SGMS1: variants seen among roughly 807,000 people sequenced by gnomAD.
SGMS1 encodes phosphatidylcholine:ceramide cholinephosphotransferase 1.
A neutral mutation model predicts 46.2 loss-of-function variants in SGMS1; 13 were observed. That is an observed-to-expected ratio of 0.28 (90% CI 0.18 to 0.45). SGMS1 has a LOEUF of 0.45. Ranked by LOEUF, SGMS1 falls within the 20% of genes least tolerant of loss-of-function variation. SGMS1 has a pLI of 1.00. For missense variants in SGMS1, 324 were observed against 519.9 expected (o/e 0.62, Z 3.66); for synonymous variants, 203 against 187.8 (o/e 1.08, Z -0.66).
At chr10:50,549,797 T>C (rs1249159547) in intron 2 of SGMS1, among the ~76,000 whole-genome samples, 1 of 152,204 alleles carries the variant, frequency 6.6e-6, no homozygotes, top group African/African-American at 2.4e-5. Context: ...ACATGTGTTC[T>C]CCCAGGTTTA....
At chr10:50,540,001 G>T (rs1028275831) in intron 2 of SGMS1, among the ~76,000 whole-genome samples, 1 of 152,280 alleles carries the variant, frequency 6.6e-6, no homozygotes, top group East Asian at 1.9e-4. Context: ...CATACTGAAT[G>T]TAATTATACA....
chr10:50,385,261 C>T (rs1848666117), intron 6 of SGMS1, among the ~76,000 whole-genome samples: 1 of 152,156 alleles, frequency 6.6e-6, no homozygotes, highest in South Asian at 2.1e-4. Context: ...TTAGTAACCT[C>T]AGAGAGTTGT....
At chr10:50,350,130 CTTG>C in intron 6 of SGMS1, among the ~76,000 whole-genome samples, 1 of 152,268 alleles carries the variant, frequency 6.6e-6, no homozygotes, top group Admixed American at 6.5e-5. Context: ...AGATGAGGAA[CTTG>C]TTGGGAACTG....
At chr10:50,458,767 G>A (rs1157733673) in intron 5 of SGMS1, among the ~76,000 whole-genome samples, 3 of 151,780 alleles carry the variant, frequency 2.0e-5, no homozygotes, top group Non-Finnish European at 4.4e-5. Context: ...GGATTTTTAC[G>A]GTGATTTAAA....
chr10:50,535,988 T>C (rs1022181765), intron 2 of SGMS1, among the ~76,000 whole-genome samples: 11 of 152,190 alleles, frequency 7.2e-5, no homozygotes, highest in Non-Finnish European at 1.3e-4. Context: ...TATCCCTTCT[T>C]GCTTCACATC....
intron 6 of SGMS1, among the ~76,000 whole-genome samples, chr10:50,382,217 G>C (rs367658206): frequency 2.0e-5 from 3 of 151,988 alleles, no homozygotes; most frequent in Admixed American, 6.6e-5. Flanking sequence ...TAATCTAAGG[G>C]GGAAAAGAAG....
chr10:50,522,454 C>A (rs1237673834), intron 2 of SGMS1, among the ~76,000 whole-genome samples: 5 of 151,990 alleles, frequency 3.3e-5, no homozygotes, highest in African/African-American at 4.8e-5. Context: ...CTGGTATTAC[C>A]CACTTTTATA....
intron 6 of SGMS1, among the ~76,000 whole-genome samples, chr10:50,386,045 A>C (rs1848676591): frequency 6.6e-6 from 1 of 152,138 alleles, no homozygotes; most frequent in African/African-American, 2.4e-5. Context: ...AGTTTAGATT[A>C]TCAGATGGCA....
chr10:50,331,274 A>G (rs1195477214), intron 7 of SGMS1, among the ~76,000 whole-genome samples: 1 of 152,222 alleles, frequency 6.6e-6, no homozygotes, highest in African/African-American at 2.4e-5. Flanking sequence ...CAATGCATGG[A>G]TATGATCCTT....
chr10:50,306,958 T>C lies in SGMS1; in HGVS notation c.*184A>G. On this transcript the variant is annotated 3_prime_UTR_variant, in exon 11 of 11. Transcript: ENST00000361781. ...TGATAGGTTAAATTTTTCTTTATTG[T>C]TGTCCAACGCAGGTCCTTTGGAGAG... 1.7e-6 allele frequency: 1 copy of C among 589,832 alleles called. No homozygotes were observed. The highest frequency in any genetic ancestry group is 2.9e-6 in the Non-Finnish European group (1 of 344,550). 36.5% of individuals were successfully genotyped at this position (589,832 alleles called of 1,614,324 possible).
At chr10:50,551,876 C>A (rs1450668732) in intron 2 of SGMS1, among the ~76,000 whole-genome samples, 1 of 152,126 alleles carries the variant, frequency 6.6e-6, no homozygotes, top group Non-Finnish European at 1.5e-5. Flanking sequence ...ACACACAAAT[C>A]TGAAGATACC....
intron 3 of SGMS1, among the ~76,000 whole-genome samples, chr10:50,486,956 A>G (rs1837526115): frequency 6.6e-6 from 1 of 152,254 alleles, no homozygotes. Flanking sequence ...GTACACATAT[A>G]CTATGTAATA....
At chr10:50,623,563 G>A (rs1838878503) in intron 1 of SGMS1, 144 bp downstream of exon 1, 2 of 984,250 alleles carry the variant, frequency 2.0e-6, no homozygotes, top group African/African-American at 1.7e-5. Flanking sequence ...TACGCGCGCG[G>A]CACCGCGCGG....
In SGMS1 at chr10:50,538,197, C is replaced by A. The variant is rs950313816; in HGVS notation, c.-588-18276G>T. On this transcript the variant is annotated intron_variant, in intron 2 of 10. Transcript: ENST00000361781. ...TCAGGGGTGGGTGGGTGGGCTCACA[C>A]CTGTAATCCCAGCACTTTGGGAGGC... 1.1e-4 allele frequency among the ~76,000 whole-genome samples: 16 copies of A among 151,786 alleles called. 1 individual carries two copies. The highest frequency in any genetic ancestry group is 7.2e-4 in the Admixed American group (11 of 15,242).
intron 2 of SGMS1, among the ~76,000 whole-genome samples, chr10:50,589,920 G>A (rs1487551898): frequency 6.6e-6 from 1 of 152,186 alleles, no homozygotes; most frequent in Non-Finnish European, 1.5e-5. Flanking sequence ...ATCCTTATTT[G>A]TAAGAGCTGC....
At chr10:50,611,319 C>T (rs905824086) in intron 1 of SGMS1, among the ~76,000 whole-genome samples, 10 of 152,244 alleles carry the variant, frequency 6.6e-5, no homozygotes, top group East Asian at 1.9e-4. Context: ...TGTGGACACA[C>T]GCCAAGGGTC....
intron 3 of SGMS1, among the ~76,000 whole-genome samples, chr10:50,510,303 A>T (rs143680223): frequency 1.8e-4 from 27 of 152,296 alleles, no homozygotes; most frequent in African/African-American, 5.8e-4. Flanking sequence ...GGACAATTAC[A>T]TTTTTTCCAG....
intron 5 of SGMS1, among the ~76,000 whole-genome samples, chr10:50,446,943 C>A (rs1837025924): frequency 6.6e-6 from 1 of 152,164 alleles, no homozygotes; most frequent in African/African-American, 2.4e-5. Context: ...TCTTGGGGAA[C>A]AACTTCTAAA....
intron 5 of SGMS1, among the ~76,000 whole-genome samples, chr10:50,445,340 C>T (rs1836997605): frequency 1.3e-5 from 2 of 152,016 alleles, no homozygotes; most frequent in African/African-American, 2.4e-5. Flanking sequence ...ATACACTTAC[C>T]CAATAATATA....
Sources: allele counts gnomAD v4.1 joint callset (sites outside exome capture counted in the v4.1 genomes callset), GRCh38; gene constraint gnomAD v4.1.1; transcripts MANE v1.5; gene names NCBI Gene and HGNC (gene_info 2026-07-23, HGNC 2026-07-21).